Variants in LRP1 observed in about 807,000 individuals in gnomAD.
LRP1 encodes prolow-density lipoprotein receptor-related protein 1.
In LRP1, 51 loss-of-function variants were observed where a neutral mutation model predicts 541.5. That is an observed-to-expected ratio of 0.09 (90% CI 0.08 to 0.12). The LOEUF (loss-of-function observed/expected upper bound fraction) is 0.12. LRP1 is among the 10% of genes least tolerant of loss of function. LRP1 has a pLI of 1.00. For missense variants in LRP1, 3,878 were observed against 6,376.2 expected (o/e 0.61, Z 13.34); for synonymous variants, 2,219 against 2,470.8 (o/e 0.90, Z 3.02).
In LRP1 at chr12:57,158,547, G is replaced by A; in HGVS notation, c.1707G>A (p.Glu569=). Residue 569 remains glutamate (E), a synonymous_variant, in exon 11 of 89, where the codon GAG becomes GAA. Transcript: ENST00000243077. This position sits in a 1 kb window ranked among gnomAD's most constrained non-coding sequence, Gnocchi z 5.3. ...MNPRALDFHA[E]TGFIYFADTT... is the part of the protein sequence containing the mutation. ...CCCGAGCCCTGGACTTCCACGCTGA[G>A]ACCGGCTTCATCTACTTTGCCGACA... 1 of 1,614,198 alleles carries A rather than the reference G, an allele frequency of 6.2e-7. No homozygotes were observed.
At chr12:57,190,500 C>T (rs2036355813) in intron 42 of LRP1, among the ~76,000 whole-genome samples, 1 of 152,238 alleles carries the variant, frequency 6.6e-6, no homozygotes, top group African/African-American at 2.4e-5. Flanking sequence ...GCTGGAACCC[C>T]AGGGCCTGTC....
At position 57,200,498 on chromosome 12, in the gene LRP1, C is replaced by T. The variant is rs145701136; in HGVS notation, c.10071C>T (p.Asp3357=). 18 of 1,613,328 alleles carry T rather than the reference C, an allele frequency of 1.1e-5. No homozygotes were observed. The highest frequency in any genetic ancestry group is 1.1e-4 in the African/African-American group (8 of 74,700). ...IPFWWKCDTE[D]DCGDHSDEPP... is the part of the protein sequence containing the mutation. ...TCTGGTGGAAGTGTGACACCGAGGA[C>T]GACTGCGGGGACCACTCAGACGAGC... The change falls in exon 63 of 89, where the codon GAC becomes GAT. Residue 3357 remains aspartate, a synonymous_variant. Transcript: ENST00000243077.
Position 57,183,107 on chromosome 12 carries a change from G to A in LRP1, c.5663-272G>A, listed in dbSNP as rs1230512845. 1.3e-5 allele frequency among the ~76,000 whole-genome samples: 2 copies of A among 151,998 alleles called. No homozygotes were observed. The highest frequency in any genetic ancestry group is 2.9e-5 in the Non-Finnish European group (2 of 67,990). The stretch of plus-strand genomic sequence containing the variant: ...GGTTGGGTTGTGCTGGGTGGAGGCC[G>A]GCAGAGCACAGGGTGAGAAATCCGA... On this transcript the variant is annotated intron_variant, in intron 34 of 88. Coordinates refer to ENST00000243077, the MANE Select transcript of LRP1 (RefSeq NM_002332.3). This position sits in a 1 kb window ranked among gnomAD's most constrained non-coding sequence, Gnocchi z 6.1.
chr12:57,209,192 C>G lies in LRP1; in HGVS notation c.12255C>G (p.Ser4085Arg), dbSNP rs1162180858. 1 of 1,613,410 alleles carries G rather than the reference C, an allele frequency of 6.2e-7. No homozygotes were observed. The highest frequency in any genetic ancestry group is 8.5e-7 in the Non-Finnish European group (1 of 1,179,504). Residue 4085 changes from serine (S) to arginine (R), a missense_variant, in exon 79 of 89, where the codon AGC becomes AGG. Coordinates refer to ENST00000243077, the MANE Select transcript of LRP1 (RefSeq NM_002332.3). ...NGTDPIVAADSKRGLSHPFSI... is the reference protein window; with the variant it reads ...NGTDPIVAADRKRGLSHPFSI... ...CGGACCCCATTGTGGCTGCTGACAG[C>G]AAACGAGGTCAGAGCCCGGCATAAG...
Position 57,196,222 on chromosome 12 carries a change from G to A in LRP1, c.8837G>A (p.Ser2946Asn). Residue 2946 changes from serine (S) to asparagine (N), a missense_variant, in exon 55 of 89, where the codon AGC (serine) becomes AAC (asparagine). Physicochemically the swap from Ser to Asn is conservative, Grantham distance 46. Around this residue, in one of 13 missense-constraint regions of LRP1, gnomAD observed 1,100 missense variants for 1,827.4 expected, o/e 0.60. Transcript: ENST00000243077. ...GGCTGCCACATCAATGAGTGTCTCA[G>A]CCGCAAGCTCAGTGGCTGCAGCCAG... ...ERGCHINECL[S>N]RKLSGCSQDC... 2 of 1,611,746 alleles carry A rather than the reference G, an allele frequency of 1.2e-6. No homozygotes were observed. The highest frequency in any genetic ancestry group is 1.7e-6 in the Non-Finnish European group (2 of 1,178,686).
chr12:57,208,003 AAGC>A, intron 76 of LRP1, 32 bp from the exon 77 acceptor site: 1 of 1,603,970 alleles, frequency 6.2e-7, no homozygotes, highest in Non-Finnish European at 8.5e-7. Context: ...CAGGAAGACA[AAGC>A]AGTGGCCCCT....
Position 57,178,995 on chromosome 12 carries a change from T to G in LRP1, c.4712T>G (p.Leu1571Arg). 6.2e-7 allele frequency: 1 copy of G among 1,613,838 alleles called. No individual in the cohort carries two copies. The highest frequency in any genetic ancestry group is 8.5e-7 in the Non-Finnish European group (1 of 1,179,950). Residue 1571 changes from leucine to arginine, a missense_variant, in exon 28 of 89, where the codon CTC becomes CGC. This residue lies in a region of LRP1 where 394 missense variants were observed against 635.9 expected (regional missense o/e 0.62). Coordinates refer to ENST00000243077, the MANE Select transcript of LRP1 (RefSeq NM_002332.3). The surrounding 1 kb of genome is among the most constrained non-coding windows in gnomAD (Gnocchi z 5.8). ...VSCACPHLMK[L>R]HKDNTTCYEF... is the part of the protein sequence containing the mutation. ...TGCGCCTGCCCCCACCTCATGAAGCTCCACAAGGACAACACCACCTGCTAT... is the reference window on the plus strand; with the variant it reads ...TGCGCCTGCCCCCACCTCATGAAGCGCCACAAGGACAACACCACCTGCTAT...
chr12:57,210,139 C>A lies in LRP1; in HGVS notation c.12550C>A (p.Pro4184Thr). ...GKRLDNGTCV[P>T]VPSPTPPPDA... The stretch of plus-strand genomic sequence containing the variant: ...GCGGCTGGACAACGGCACATGCGTG[C>A]CTGTGCCCTCTCCAACGCCCCCCCC... The change falls in exon 81 of 89, where the codon CCT becomes ACT. Residue 4184 changes from proline (P) to threonine (T), a missense_variant. By Grantham distance (38) the Pro-to-Thr change is conservative (BLOSUM62 -1). This residue lies in a region of LRP1 where 871 missense variants were observed against 1,212.4 expected (regional missense o/e 0.72). Transcript: ENST00000243077. 6.2e-7 allele frequency: 1 copy of A among 1,609,772 alleles called. No individual in the cohort carries two copies. The highest frequency in any genetic ancestry group is 8.5e-7 in the Non-Finnish European group (1 of 1,177,710).
chr12:57,205,370 C>A lies in LRP1; in HGVS notation c.11355C>A (p.Cys3785Ter). The A allele has an allele frequency of 6.2e-7, 1 of 1,607,820 alleles. No homozygotes were observed. Residue 3785 changes from cysteine (C) to a stop codon, truncating the protein, a stop_gained, in exon 74 of 89, where the codon TGC becomes TGA. Coordinates refer to ENST00000243077, the MANE Select transcript of LRP1 (RefSeq NM_002332.3). LOFTEE classifies it high-confidence loss of function. This position sits in a 1 kb window ranked among gnomAD's most constrained non-coding sequence, Gnocchi z 4.6. ...DCSIDPKLTS[C>*]ATNASICGDE... The stretch of plus-strand genomic sequence containing the variant: ...CCACAGACCCCAAGCTGACCAGCTG[C>A]GCCACCAATGCCAGCATCTGTGGGG...
In LRP1 at chr12:57,137,376, A is replaced by G. The variant is rs570357915; in HGVS notation, c.68-1083A>G. The stretch of plus-strand genomic sequence containing the variant: ...GGTAGGGCCAAGAGGTCCTGAATAT[A>G]GTAGCTAACTAGTTGGACTGGACTG... On this transcript the variant is annotated intron_variant, in intron 1 of 88. Coordinates refer to ENST00000243077, the MANE Select transcript of LRP1 (RefSeq NM_002332.3). Among the ~76,000 whole-genome samples, 3 of 152,276 alleles carry G rather than the reference A, an allele frequency of 2.0e-5. No individual in the cohort carries two copies. In the East Asian group the frequency reaches 5.8e-4, roughly 29 times the overall value.
rs2036756782 is a variant in LRP1 at position 57,205,516 on chromosome 12, A to C, written c.11470+31A>C. 6.2e-7 allele frequency: 1 copy of C among 1,612,352 alleles called. No homozygotes were observed. The highest frequency in any genetic ancestry group is 1.3e-5 in the African/African-American group (1 of 74,868). ...AAAGCGGGGCAGAGCAGGGGTGGAC[A>C]CCCCAACTGTGGACTCTCATGACCC... On this transcript the variant is annotated intron_variant, in intron 74 of 88. Coordinates refer to ENST00000243077, the MANE Select transcript of LRP1 (RefSeq NM_002332.3). This position sits in a 1 kb window ranked among gnomAD's most constrained non-coding sequence, Gnocchi z 4.6.
chr12:57,174,008 G>A, intron 22 of LRP1, 28 bp downstream of exon 22: 1 of 1,609,846 alleles, frequency 6.2e-7, no homozygotes, highest in South Asian at 1.1e-5. Flanking sequence ...GAGAAGGGTA[G>A]GGAGGGTGGC....
intron 24 of LRP1, among the ~76,000 whole-genome samples, chr12:57,176,374 G>A (rs2036047418): frequency 6.6e-6 from 1 of 152,226 alleles, no homozygotes; most frequent in African/African-American, 2.4e-5. Flanking sequence ...AGAATTGCAG[G>A]CTTGAAAGAA....
Position 57,179,743 on chromosome 12 carries a change from G to GCAGA in LRP1, c.4967-36_4967-33dup, listed in dbSNP as rs1290595882. On this transcript the variant is annotated intron_variant, in intron 29 of 88. Transcript: ENST00000243077. This position sits in a 1 kb window ranked among gnomAD's most constrained non-coding sequence, Gnocchi z 6.8. ...GGCTCCCCTCCTGACCCACTGCCCT[G>GCAGA]CAGACACCCAACAACTGACTCCCTA... The GCAGA allele has an allele frequency of 6.3e-7, 1 of 1,598,664 alleles. No homozygotes were observed. The highest frequency in any genetic ancestry group is 2.2e-5 in the East Asian group (1 of 44,758).
intron 60 of LRP1, 29 bp downstream of exon 60, chr12:57,198,699 A>G (rs2036586572): frequency 6.3e-7 from 1 of 1,581,128 alleles, no homozygotes. Context: ...CTGTCCAGGC[A>G]CAGCAGACTC....
intron 32 of LRP1, 56 bp downstream of exon 32, chr12:57,180,535 T>C (rs2036143103): frequency 1.9e-6 from 3 of 1,608,926 alleles, no homozygotes; most frequent in Non-Finnish European, 2.6e-6. Flanking sequence ...CCAGACCTAC[T>C]GGGAGACAGG....
rs751570302 is a variant in LRP1, at chr12:57,165,783, C to T, written c.2531-22C>T. The T allele has an allele frequency of 6.2e-7, 1 of 1,606,052 alleles. No individual in the cohort carries two copies. The highest frequency in any genetic ancestry group is 8.5e-7 in the Non-Finnish European group (1 of 1,173,072). On this transcript the variant is annotated intron_variant, in intron 15 of 88. Coordinates refer to ENST00000243077, the MANE Select transcript of LRP1 (RefSeq NM_002332.3). This position sits in a 1 kb window ranked among gnomAD's most constrained non-coding sequence, Gnocchi z 4.5. ...ACGACCGGGGTCTGACTTTCCCCCTCACGATCCTGTGGTGCCCACAGCGAA... is the reference window on the plus strand; with the variant it reads ...ACGACCGGGGTCTGACTTTCCCCCTTACGATCCTGTGGTGCCCACAGCGAA...
rs1434269518 is a variant in LRP1, at chr12:57,199,303, A to C, written c.9768A>C (p.Arg3256=). The change falls in exon 61 of 89, where the codon CGA becomes CGC. Residue 3256 remains arginine, a synonymous_variant. Transcript: ENST00000243077. ...ACTGGGAAACAAAGTCCATTAACCG[A>C]GCCCACAAGACCACGGGCACCAACA... ...WTDWETKSIN[R]AHKTTGTNKT... 7 of 1,613,728 alleles carry C rather than the reference A, an allele frequency of 4.3e-6. No homozygotes were observed. The highest frequency in any genetic ancestry group is 1.3e-5 in the African/African-American group (1 of 74,924).
intron 6 of LRP1, among the ~76,000 whole-genome samples, chr12:57,153,249 GGAGGAGCCCA>G (rs2035559204): frequency 6.7e-6 from 1 of 149,450 alleles, no homozygotes; most frequent in African/African-American, 2.5e-5. Flanking sequence ...GTCCTGGAGA[GGAGGAGCCCA>G]GAGGAGGCCA....
Sources: gnomAD v4.1 joint callset for allele counts (sites outside exome capture counted in the v4.1 genomes callset) on GRCh38, gnomAD v4.1.1 for gene constraint, gnomAD v4.1.1 regional missense constraint, Gnocchi (gnomAD v3.1) non-coding constraint, MANE v1.5 for transcripts, NCBI Gene and HGNC (gene_info 2026-07-23, HGNC 2026-07-21) for gene names.